Variants in ZBTB16 observed in about 807,000 individuals in gnomAD.
ZBTB16 encodes the protein zinc finger and BTB domain-containing protein 16.
A neutral mutation model predicts 56.8 loss-of-function variants in ZBTB16; 8 were observed. The observed-to-expected ratio is 0.14, with a 90% confidence interval of 0.08 to 0.25. The LOEUF is 0.25. Among genes scored for constraint, ZBTB16 ranks in the 10% least tolerant of loss-of-function variants. ZBTB16 has a pLI of 1.00. For synonymous variants in ZBTB16, 363 were observed against 368.5 expected, an observed-to-expected ratio of 0.98 and a Z score of 0.17; for missense variants, 625 against 903.0, an observed-to-expected ratio of 0.69 and a Z score of 3.95.
Position 114,253,972 on chromosome 11 carries a change from T to TTA in ZBTB16, c.*3417_*3418insTA, listed in dbSNP as rs1179631214. Among the ~76,000 whole-genome samples the TTA allele has an allele frequency of 2.0e-5, 3 of 152,132 alleles. No individual in the cohort carries two copies. The highest frequency in any genetic ancestry group is 4.4e-5 in the Non-Finnish European group (3 of 68,034). ...TACTGCTGACAACCCTGCTTGCTAC[T>TTA]GCCTTATCCAGCACAGTGAAAAACT... On this transcript the variant is annotated 3_prime_UTR_variant, in exon 7 of 7. Coordinates refer to ENST00000335953, the MANE Select transcript of ZBTB16 (RefSeq NM_006006.6).
chr11:114,104,276 G>A (rs1800062097), intron 2 of ZBTB16, among the ~76,000 whole-genome samples: 1 of 152,212 alleles, frequency 6.6e-6, no homozygotes, highest in Non-Finnish European at 1.5e-5. Flanking sequence ...AGCATAGGGA[G>A]TGGTTTACCA....
In ZBTB16 at chr11:114,255,684, G is replaced by A. The variant is rs1325444271; in HGVS notation, c.*5129G>A. On this transcript the variant is annotated 3_prime_UTR_variant, in exon 7 of 7. Transcript: ENST00000335953. ...GCCTTCGTTTCGTGTAGATTGACGCGTTTCTTTGTAATTTCAGTGTTTCTG... is the reference window on the plus strand; with the variant it reads ...GCCTTCGTTTCGTGTAGATTGACGCATTTCTTTGTAATTTCAGTGTTTCTG... 6.8e-6 allele frequency among the ~76,000 whole-genome samples: 1 copy of A among 147,532 alleles called. No individual in the cohort carries two copies.
intron 4 of ZBTB16, among the ~76,000 whole-genome samples, chr11:114,228,732 C>G (rs1490525450): frequency 6.6e-6 from 1 of 152,240 alleles, no homozygotes; most frequent in African/African-American, 2.4e-5. Context: ...GGCCGCCAGC[C>G]TGCTGTCTGA....
At chr11:114,137,826 G>A (rs1941837294) in intron 2 of ZBTB16, among the ~76,000 whole-genome samples, 1 of 152,194 alleles carries the variant, frequency 6.6e-6, no homozygotes, top group South Asian at 2.1e-4. Context: ...CCTGGATGGA[G>A]TCTCCTTCCT....
chr11:114,125,104 A>G (rs575686515), intron 2 of ZBTB16, among the ~76,000 whole-genome samples: 2 of 147,310 alleles, frequency 1.4e-5, no homozygotes, highest in Admixed American at 6.9e-5. Flanking sequence ...ATTGGAGTTA[A>G]AAAAAAAATG....
At chr11:114,097,340 A>C (rs1940454397) in intron 2 of ZBTB16, among the ~76,000 whole-genome samples, 1 of 152,260 alleles carries the variant, frequency 6.6e-6, no homozygotes, top group African/African-American at 2.4e-5. Flanking sequence ...GTGGGTACAG[A>C]GTTTCAGTTG....
At chr11:114,183,859 C>T (rs561817070) in intron 3 of ZBTB16, among the ~76,000 whole-genome samples, 1 of 152,356 alleles carries the variant, frequency 6.6e-6, no homozygotes, top group Admixed American at 6.5e-5. Context: ...GCTGCTACCC[C>T]TGTGAACACA....
At position 114,093,777 on chromosome 11, in the gene ZBTB16, G is replaced by A. The variant is rs182822179; in HGVS notation, c.1268+29209G>A. Among the ~76,000 whole-genome samples the A allele has an allele frequency of 8.5e-5, 13 of 152,318 alleles. No homozygotes were observed. In the East Asian group the frequency reaches 1.4e-3, roughly 16 times the overall value. On this transcript the variant is annotated intron_variant, in intron 2 of 6. Transcript: ENST00000335953. Reference sequence around the variant, plus strand: ...GGAGGCCTAATCTGTAAGAACAGTCGAGAACTTTATTTCTGCCCTTTAACC... The same window carrying A: ...GGAGGCCTAATCTGTAAGAACAGTCAAGAACTTTATTTCTGCCCTTTAACC...
At chr11:114,167,226 T>TGTTG (rs1565663072) in intron 3 of ZBTB16, among the ~76,000 whole-genome samples, 19 of 80,504 alleles carry the variant, frequency 2.4e-4, no homozygotes, top group African/African-American at 1.6e-3. Flanking sequence ...GTTTTTTTTT[T>TGTTG]TTTTGGTTTT....
chr11:114,123,090 T>C (rs576634810), intron 2 of ZBTB16, among the ~76,000 whole-genome samples: 20 of 152,260 alleles, frequency 1.3e-4, no homozygotes, highest in Non-Finnish European at 2.5e-4. Flanking sequence ...CTGGTGTCTC[T>C]TCTTACAAGG....
At chr11:114,200,296 T>C (rs1470082293) in intron 4 of ZBTB16, among the ~76,000 whole-genome samples, 2 of 152,200 alleles carry the variant, frequency 1.3e-5, no homozygotes, top group African/African-American at 4.8e-5. Flanking sequence ...CTTTATTTAG[T>C]AGCTTATTCA....
chr11:114,205,127 C>T (rs531766651), intron 4 of ZBTB16, among the ~76,000 whole-genome samples: 5 of 152,150 alleles, frequency 3.3e-5, no homozygotes, highest in African/African-American at 9.6e-5. Context: ...AAAAAAATTT[C>T]GGCCGGGCGC....
chr11:114,082,343 A>G (rs1019950807), intron 2 of ZBTB16, among the ~76,000 whole-genome samples: 2 of 152,144 alleles, frequency 1.3e-5, no homozygotes, highest in South Asian at 2.1e-4. Flanking sequence ...CTTCATTCCT[A>G]CAGTGCAGTT....
rs1944941687 is a variant in ZBTB16, at chr11:114,252,962, T to C, written c.*2407T>C. ...CAACTATAGTAACGACTTAGTGTTT[T>C]GGAAAGGAAAAGAAGTTAAACTTGA... On this transcript the variant is annotated 3_prime_UTR_variant, in exon 7 of 7. Transcript: ENST00000335953. Among the ~76,000 whole-genome samples the C allele has an allele frequency of 1.3e-5, 2 of 152,168 alleles. No homozygotes were observed. The highest frequency in any genetic ancestry group is 2.4e-5 in the African/African-American group (1 of 41,448).
At chr11:114,131,291 C>G (rs1056662886) in intron 2 of ZBTB16, among the ~76,000 whole-genome samples, 2 of 152,228 alleles carry the variant, frequency 1.3e-5, no homozygotes, top group Admixed American at 1.3e-4. Context: ...CCTGCTCCCC[C>G]ACCCCACTAC....
chr11:114,149,331 T>G (rs1942227641), intron 2 of ZBTB16, among the ~76,000 whole-genome samples: 1 of 152,158 alleles, frequency 6.6e-6, no homozygotes, highest in African/African-American at 2.4e-5. Flanking sequence ...TTAAAGGTGA[T>G]TCTTAAGAAA....
At chr11:114,082,514 G>A (rs917685647) in intron 2 of ZBTB16, among the ~76,000 whole-genome samples, 6 of 152,168 alleles carry the variant, frequency 3.9e-5, no homozygotes, top group African/African-American at 1.2e-4. Flanking sequence ...GAAGGCATTT[G>A]AAAAGGAGAG....
intron 2 of ZBTB16, among the ~76,000 whole-genome samples, chr11:114,108,539 C>T (rs1369203233): frequency 6.6e-6 from 1 of 152,154 alleles, no homozygotes; most frequent in Non-Finnish European, 1.5e-5. Flanking sequence ...AGCTCATCTC[C>T]CTTCTTCCCC....
intron 2 of ZBTB16, among the ~76,000 whole-genome samples, chr11:114,100,005 G>A (rs1476643618): frequency 6.6e-6 from 1 of 152,110 alleles, no homozygotes; most frequent in Non-Finnish European, 1.5e-5. Context: ...CTCCTTAAAA[G>A]GTTTAAAAAG....
Sources: allele counts gnomAD v4.1 joint callset (sites outside exome capture counted in the v4.1 genomes callset), GRCh38; gene constraint gnomAD v4.1.1; transcripts MANE v1.5; gene names NCBI Gene and HGNC (gene_info 2026-07-23, HGNC 2026-07-21).